Variants in DGKI observed in about 807,000 individuals in gnomAD.
DGKI encodes diacylglycerol kinase iota.
DGKI carries 55 observed loss-of-function variants against 147.5 expected under a neutral mutation model. The ratio of observed to expected loss-of-function variants is 0.37; its 90% CI spans 0.30 to 0.47. DGKI has a LOEUF of 0.47. Ranked by LOEUF, DGKI falls within the 20% of genes least tolerant of loss-of-function variation. DGKI has a pLI of 1.00. For synonymous variants in DGKI, 469 were observed against 477.1 expected, an observed-to-expected ratio of 0.98 and a Z score of 0.22; for missense variants, 1,007 against 1,323.8, an observed-to-expected ratio of 0.76 and a Z score of 3.71.
At chr7:137,701,542 T>C (rs1264193512) in intron 1 of DGKI, among the ~76,000 whole-genome samples, 1 of 152,166 alleles carries the variant, frequency 6.6e-6, no homozygotes, top group Admixed American at 6.5e-5. Flanking sequence ...ACTGTATTTC[T>C]GTATATATGC....
intron 21 of DGKI, among the ~76,000 whole-genome samples, chr7:137,496,522 A>T (rs1815971486): frequency 6.6e-6 from 1 of 152,096 alleles, no homozygotes; most frequent in Non-Finnish European, 1.5e-5. Context: ...AATAAAAAAA[A>T]AGCTGGAGGC....
intron 6 of DGKI, among the ~76,000 whole-genome samples, chr7:137,644,787 C>T (rs1325699748): frequency 6.6e-6 from 1 of 152,136 alleles, no homozygotes; most frequent in Non-Finnish European, 1.5e-5. Flanking sequence ...CCCAGAGGAC[C>T]CTGTCATCCT....
intron 1 of DGKI, chr7:137,774,573 A>G (rs1309150836): frequency 1.3e-5 from 2 of 152,126 alleles, no homozygotes. Flanking sequence ...CACACAGAGT[A>G]AAAAATAAAA....
In DGKI at chr7:137,460,047, T is replaced by C. The variant is rs73169831; in HGVS notation, c.2735+3442A>G. The stretch of plus-strand genomic sequence containing the variant: ...TTCTAAGAATTGAAAGTTTCTCTTT[T>C]GATTTCTGTTTATATAGTGAGTTAT... On this transcript the variant is annotated intron_variant, in intron 27 of 32. Coordinates refer to ENST00000614521, the MANE Select transcript of DGKI (RefSeq NM_001321708.2). Among the ~76,000 whole-genome samples the C allele has an allele frequency of 4.3e-3, 653 of 152,354 alleles. 1 individual carries two copies. Among genetic ancestry groups the C allele is most frequent in the Non-Finnish European group, 6.6e-3 (449 of 68,032 alleles).
At chr7:137,686,564 G>A (rs1287869910) in intron 2 of DGKI, among the ~76,000 whole-genome samples, 1 of 152,176 alleles carries the variant, frequency 6.6e-6, no homozygotes, top group Non-Finnish European at 1.5e-5. Context: ...TTGGGATTTT[G>A]AGAAACAACC....
chr7:137,626,719 G>A (rs548766195), intron 6 of DGKI, among the ~76,000 whole-genome samples: 3 of 152,236 alleles, frequency 2.0e-5, no homozygotes, highest in African/African-American at 4.8e-5. Flanking sequence ...GGTGAGACCC[G>A]AGTGCCTCTG....
At chr7:137,502,865 T>G (rs981400789) in intron 21 of DGKI, among the ~76,000 whole-genome samples, 1 of 152,040 alleles carries the variant, frequency 6.6e-6, no homozygotes, top group African/African-American at 2.4e-5. Flanking sequence ...AACACTGAGC[T>G]CAGAGAAGTG....
At chr7:137,494,946 C>A (rs1815906363) in intron 21 of DGKI, among the ~76,000 whole-genome samples, 1 of 151,984 alleles carries the variant, frequency 6.6e-6, no homozygotes, top group South Asian at 2.1e-4. Context: ...TGCGATGACA[C>A]ACAAAACATC....
chr7:137,586,201 T>C (rs1819389846), intron 13 of DGKI, among the ~76,000 whole-genome samples: 1 of 152,022 alleles, frequency 6.6e-6, no homozygotes, highest in Non-Finnish European at 1.5e-5. Context: ...CTGAGGCTGG[T>C]GGATCACGAG....
intron 23 of DGKI, among the ~76,000 whole-genome samples, chr7:137,476,656 TTTTTCG>T (rs921669162): frequency 6.6e-6 from 1 of 152,188 alleles, no homozygotes; most frequent in Non-Finnish European, 1.5e-5. Context: ...TGTGCAGGCT[TTTTTCG>T]TTTTGTTATT....
chr7:137,792,576 C>T (rs1796888404), intron 1 of DGKI, among the ~76,000 whole-genome samples: 1 of 152,156 alleles, frequency 6.6e-6, no homozygotes, highest in Non-Finnish European at 1.5e-5. Context: ...TTCTAGGCAA[C>T]TAGTATGGTT....
intron 1 of DGKI, among the ~76,000 whole-genome samples, chr7:137,691,809 T>TTTTTTTTTTTTTTTG (rs1290595066): frequency 6.0e-4 from 84 of 141,048 alleles, no homozygotes; most frequent in African/African-American, 2.2e-3. Context: ...TTTTTTTTTT[T>TTTTTTTTTTTTTTTG]TTTTTTTTTT....
intron 1 of DGKI, among the ~76,000 whole-genome samples, chr7:137,789,945 G>T (rs997565501): frequency 6.6e-6 from 1 of 152,106 alleles, no homozygotes. Flanking sequence ...TTCTTTTCAA[G>T]AATTCTCTAG....
intron 28 of DGKI, among the ~76,000 whole-genome samples, chr7:137,440,360 G>A (rs1813450600): frequency 6.6e-6 from 1 of 152,070 alleles, no homozygotes; most frequent in African/African-American, 2.4e-5. Flanking sequence ...TTTTCTACAG[G>A]GACAAATCAT....
At chr7:137,425,166 C>A (rs985127794) in intron 28 of DGKI, among the ~76,000 whole-genome samples, 2 of 152,200 alleles carry the variant, frequency 1.3e-5, no homozygotes, top group African/African-American at 2.4e-5. Context: ...GGCAGACTGA[C>A]ACCTCACACT....
chr7:137,414,348 A>T (rs1312086238), intron 28 of DGKI, among the ~76,000 whole-genome samples: 1 of 152,202 alleles, frequency 6.6e-6, no homozygotes, highest in East Asian at 1.9e-4. Context: ...AATGGAGAGA[A>T]GAAAAGTGCC....
Position 137,396,863 on chromosome 7 carries a change from A to G in DGKI, c.2957+514T>C, listed in dbSNP as rs117573655. 4.4e-3 allele frequency among the ~76,000 whole-genome samples: 673 copies of G among 152,312 alleles called. 4 individuals are homozygous for G. The highest frequency in any genetic ancestry group is 0.017 in the South Asian group (81 of 4,828). ...CATCCCAGAGCTGATGACTTTTTCA[A>G]TCAGGATCCCTTCTCTGAACCACAG... On this transcript the variant is annotated intron_variant, in intron 31 of 32. Coordinates refer to ENST00000614521, the MANE Select transcript of DGKI (RefSeq NM_001321708.2).
At chr7:137,581,024 A>G (rs1039580348) in intron 15 of DGKI, among the ~76,000 whole-genome samples, 1 of 152,164 alleles carries the variant, frequency 6.6e-6, no homozygotes, top group African/African-American at 2.4e-5. Context: ...AGCTATATTA[A>G]TAAGAACAGA....
At chr7:137,815,473 C>T (rs1797711610) in intron 1 of DGKI, among the ~76,000 whole-genome samples, 1 of 152,194 alleles carries the variant, frequency 6.6e-6, no homozygotes, top group African/African-American at 2.4e-5. Flanking sequence ...CACATTTCTT[C>T]TTCTTCTTTT....
Sources: allele counts gnomAD v4.1 joint callset (sites outside exome capture counted in the v4.1 genomes callset), GRCh38; gene constraint gnomAD v4.1.1; transcripts MANE v1.5; gene names NCBI Gene and HGNC (gene_info 2026-07-23, HGNC 2026-07-21).